PATZ1: variants seen among roughly 807,000 people sequenced by gnomAD.
The protein encoded by PATZ1 is POZ-, AT hook-, and zinc finger-containing protein 1.
A neutral mutation model predicts 46.2 loss-of-function variants in PATZ1; 9 were observed. The observed-to-expected ratio is 0.19, with a 90% CI of 0.12 to 0.34. The LOEUF is 0.34. Ranked by LOEUF, PATZ1 falls within the 10% of genes least tolerant of loss-of-function variation. PATZ1 has a pLI of 1.00. For synonymous variants in PATZ1, 426 were observed against 378.6 expected, an observed-to-expected ratio of 1.13 and a Z score of -1.45; for missense variants, 632 against 923.0, an observed-to-expected ratio of 0.68 and a Z score of 4.08.
chr22:31,327,020 T>C lies in PATZ1; in HGVS notation c.1935A>G (p.Ser645=). 2 of 1,614,172 alleles carry C rather than the reference T, an allele frequency of 1.2e-6. No individual in the cohort carries two copies. Among genetic ancestry groups the C allele is most frequent in the Non-Finnish European group, 1.7e-6 (2 of 1,180,028 alleles). The change falls in exon 5 of 5, where the codon TCA becomes TCG. Residue 645 remains serine, a synonymous_variant. Transcript: ENST00000266269. The surrounding 1 kb of genome is among the most constrained non-coding windows in gnomAD (Gnocchi z 4.2). ...ACATGTTCTGCTGAGGAGAGAAAGG[T>C]GAGCCAAGGGCAGGGCCCAGGTCCC... is the stretch of plus-strand genomic sequence containing the variant. ...PLGDLGPALG[S]PFSPQQNMSL...
chr22:31,332,942 A>G (rs752846991), intron 3 of PATZ1, among the ~76,000 whole-genome samples: 1 of 152,188 alleles, frequency 6.6e-6, no homozygotes, highest in Non-Finnish European at 1.5e-5. Context: ...TCCCTTTTCC[A>G]CTGTTCAACT....
At position 31,346,013 on chromosome 22, in the gene PATZ1, G is replaced by A. The variant is rs564721310; in HGVS notation, c.-411C>T. The stretch of plus-strand genomic sequence containing the variant: ...CGCGCACGCGGGGAGGAGAAGGAGG[G>A]GTCCGCCGCGCAGGCGCGCGCGCGC... On this transcript the variant is annotated 5_prime_UTR_variant, in exon 1 of 5. Transcript: ENST00000266269. 5.0e-3 allele frequency: 927 copies of A among 183,824 alleles called. 14 individuals are homozygous for A. The highest frequency in any genetic ancestry group is 0.02 in the African/African-American group (868 of 42,458). 11.4% of individuals were successfully genotyped at this position (183,824 alleles called of 1,614,324 possible). A position where few individuals can be genotyped will look rare whatever the true frequency, so the allele number is the denominator to read the frequency against.
chr22:31,337,244 A>G (rs763808173), intron 2 of PATZ1, among the ~76,000 whole-genome samples: 20 of 152,196 alleles, frequency 1.3e-4, no homozygotes, highest in Non-Finnish European at 2.6e-4. Context: ...AGAGGCACTT[A>G]TCTCATGCAA....
At position 31,328,889 on chromosome 22, in the gene PATZ1, T is replaced by C; in HGVS notation, c.1543A>G (p.Lys515Glu). The C allele has an allele frequency of 3.1e-6, 5 of 1,614,144 alleles. No individual in the cohort carries two copies. Among genetic ancestry groups the C allele is most frequent in the Non-Finnish European group, 4.2e-6 (5 of 1,180,012 alleles). The change falls in exon 4 of 5, where the codon AAA (lysine) becomes GAA (glutamate). Residue 515 changes from lysine (K) to glutamate (E), a missense_variant. Lys to Glu is a moderately conservative substitution (Grantham distance 56). Coordinates refer to ENST00000266269, the MANE Select transcript of PATZ1 (RefSeq NM_014323.3). This position sits in a 1 kb window ranked among gnomAD's most constrained non-coding sequence, Gnocchi z 4.8. ...SSASYLKVHV[K>E]THHGVPLPQV... ...GGAAGGGGAACACCGTGGTGGGTTT[T>C]AACATGGACCTTTAAGTAGGAGGCA...
chr22:31,330,125 A>T (rs1306487721), intron 3 of PATZ1, among the ~76,000 whole-genome samples: 3 of 152,210 alleles, frequency 2.0e-5, no homozygotes, highest in African/African-American at 4.8e-5. Flanking sequence ...GATTTGTTTT[A>T]AAAAAGTCTG....
intron 2 of PATZ1, among the ~76,000 whole-genome samples, chr22:31,337,257 C>T (rs1292808918): frequency 6.6e-6 from 1 of 152,192 alleles, no homozygotes; most frequent in Non-Finnish European, 1.5e-5. Context: ...TCATGCAACC[C>T]ATCCTGACAG....
chr22:31,339,736 G>A (rs1268482033), intron 2 of PATZ1, among the ~76,000 whole-genome samples: 3 of 152,208 alleles, frequency 2.0e-5, no homozygotes, highest in Non-Finnish European at 4.4e-5. Context: ...CAGGCACCCT[G>A]AGTGCAGGTC....
chr22:31,344,903 G>A lies in PATZ1; in HGVS notation c.700C>T (p.Arg234Cys). Residue 234 changes from arginine (R) to cysteine (C), a missense_variant, in exon 1 of 5, where the codon CGC (arginine) becomes TGC (cysteine). Transcript: ENST00000266269. ...ASLPVLPGVD[R>C]LPMVAGPLSP... ...AGGGGTCCAGCCACCATGGGCAAGC[G>A]GTCCACCCCAGGTAACACAGGCAAA... is the stretch of plus-strand genomic sequence containing the variant. 1 of 1,613,324 alleles carries A rather than the reference G, an allele frequency of 6.2e-7. No homozygotes were observed. Among genetic ancestry groups the A allele is most frequent in the East Asian group, 2.2e-5 (1 of 44,882 alleles).
intron 1 of PATZ1, chr22:31,343,191 T>C (rs2049605062): frequency 1.6e-6 from 2 of 1,281,734 alleles, no homozygotes; most frequent in East Asian, 3.3e-5. Context: ...CATTTGTCTC[T>C]GATTTTGCCT....
intron 2 of PATZ1, 57 bp downstream of exon 2, chr22:31,342,840 G>C: frequency 1.3e-6 from 2 of 1,591,314 alleles, no homozygotes; most frequent in East Asian, 4.5e-5. Context: ...TCAAGGCTGC[G>C]ACCGTGAGAA....
At chr22:31,339,658 G>A (rs575963598) in intron 2 of PATZ1, among the ~76,000 whole-genome samples, 6 of 152,316 alleles carry the variant, frequency 3.9e-5, no homozygotes, top group South Asian at 4.1e-4. Flanking sequence ...AGAGCTGCCC[G>A]GCCCACAGCC....
chr22:31,341,462 C>A (rs200383806), intron 2 of PATZ1: 2 of 1,607,632 alleles, frequency 1.2e-6, no homozygotes, highest in Non-Finnish European at 1.7e-6. Flanking sequence ...TCCAGCCCTG[C>A]CTCAGATATC....
rs2049646638 is a variant in PATZ1 at position 31,345,723 on chromosome 22, C to G, written c.-121G>C. 4.9e-6 allele frequency: 5 copies of G among 1,016,972 alleles called. No homozygotes were observed. The highest frequency in any genetic ancestry group is 5.6e-6 in the Non-Finnish European group (4 of 719,584). 63.0% of individuals were successfully genotyped at this position (1,016,972 alleles called of 1,614,324 possible). On this transcript the variant is annotated 5_prime_UTR_variant, in exon 1 of 5. Coordinates refer to ENST00000266269, the MANE Select transcript of PATZ1 (RefSeq NM_014323.3). This position sits in a 1 kb window ranked among gnomAD's most constrained non-coding sequence, Gnocchi z 7.4. ...ACTCCCCACACGTGCCGGCCCGAGGCTCTGTAGTCTCGCAGGTGCGCCGAG... is the reference window on the plus strand; with the variant it reads ...ACTCCCCACACGTGCCGGCCCGAGGGTCTGTAGTCTCGCAGGTGCGCCGAG...
chr22:31,327,360 C>A lies in PATZ1; in HGVS notation c.1646-51G>T, dbSNP rs776662945. The A allele has an allele frequency of 1.3e-5, 19 of 1,488,662 alleles. No individual in the cohort carries two copies. The South Asian group carries it at 1.9e-4, about 15-fold the overall frequency. 92.2% of individuals were successfully genotyped at this position (1,488,662 alleles called of 1,614,324 possible). A position where few individuals can be genotyped will look rare whatever the true frequency, so the allele number is the denominator to read the frequency against. ...GCGATGAGGCCAGGCTCTGGAGATG[C>A]CCCCTCCTGGAGGGGTCATGAGGGG... is the stretch of plus-strand genomic sequence containing the variant. On this transcript the variant is annotated intron_variant, in intron 4 of 4. Transcript: ENST00000266269. This position sits in a 1 kb window ranked among gnomAD's most constrained non-coding sequence, Gnocchi z 4.2.
chr22:31,335,910 C>G (rs1183390065), intron 2 of PATZ1, 47 bp from the exon 3 acceptor site: 1 of 1,550,008 alleles, frequency 6.5e-7, no homozygotes, highest in Non-Finnish European at 8.9e-7. Context: ...CAGCACCCCA[C>G]ACCTGACTCC....
chr22:31,340,651 A>G, intron 2 of PATZ1: 1 of 1,014,894 alleles, frequency 9.9e-7, no homozygotes, highest in Non-Finnish European at 1.2e-6. Context: ...GACACAGACC[A>G]AGGACAAAAC....
Position 31,344,561 on chromosome 22 carries a change from T to G in PATZ1, c.1042A>C (p.Arg348=). 1 of 1,614,232 alleles carries G rather than the reference T, an allele frequency of 6.2e-7. No homozygotes were observed. Among genetic ancestry groups the G allele is most frequent in the South Asian group, 1.1e-5 (1 of 91,092 alleles). Residue 348 remains arginine, a synonymous_variant, in exon 1 of 5, where the codon AGG becomes CGG. Coordinates refer to ENST00000266269, the MANE Select transcript of PATZ1 (RefSeq NM_014323.3). ...GCCACCTGCTTCCTGGTCCGGCTCC[T>G]CTTTCGGGGGCCGTCGGGGTCTTCA... ...ISEDPDGPRK[R]SRTRKQVACE...
rs747413910 is a variant in PATZ1, at chr22:31,328,909, G to A, written c.1523C>T (p.Ser508Phe). 5.6e-6 allele frequency: 9 copies of A among 1,613,760 alleles called. No individual in the cohort carries two copies. Among genetic ancestry groups the A allele is most frequent in the African/African-American group, 1.3e-5 (1 of 74,926 alleles). Residue 508 changes from serine (S) to phenylalanine (F), a missense_variant, in exon 4 of 5, where the codon TCC becomes TTC. Physicochemically the swap from Ser to Phe is radical, Grantham distance 155. Transcript: ENST00000266269. The surrounding 1 kb of genome is among the most constrained non-coding windows in gnomAD (Gnocchi z 4.8). The part of the protein sequence containing the change: ...SICNRGFSSA[S>F]YLKVHVKTHH... ...GGTTTTAACATGGACCTTTAAGTAG[G>A]AGGCAGAGGAGAAACCTAAACAAGA...
At chr22:31,335,433 C>G (rs566772226) in intron 3 of PATZ1, 2 of 442,674 alleles carry the variant, frequency 4.5e-6, no homozygotes, top group African/African-American at 4.0e-5. Context: ...GTTATGGGCC[C>G]AAGCTTGGGA....
Sources: allele counts gnomAD v4.1 joint callset (sites outside exome capture counted in the v4.1 genomes callset), GRCh38; gene constraint gnomAD v4.1.1; non-coding constraint Gnocchi (gnomAD v3.1); transcripts MANE v1.5; gene names NCBI Gene and HGNC (gene_info 2026-07-23, HGNC 2026-07-21).